Variants in RORA observed in about 807,000 individuals in gnomAD.
The protein encoded by RORA is nuclear receptor ROR-alpha.
Under a neutral mutation model 69.5 loss-of-function variants are expected in RORA, and 7 were observed. That is an observed-to-expected ratio of 0.10 (90% CI 0.06 to 0.19). RORA has a LOEUF of 0.19. Among genes scored for constraint, RORA ranks in the 10% least tolerant of loss-of-function variants. The probability of loss-of-function intolerance (pLI) is 1.00; values close to 1 mark genes in which losing one functional copy is unlikely to be tolerated. For synonymous variants in RORA, 261 were observed against 240.8 expected, an observed-to-expected ratio of 1.08 and a Z score of -0.78; for missense variants, 457 against 663.0, an observed-to-expected ratio of 0.69 and a Z score of 3.41.
chr15:60,562,837 A>G (rs1006910904), intron 2 of RORA, among the ~76,000 whole-genome samples: 25 of 152,132 alleles, frequency 1.6e-4, no homozygotes, highest in Admixed American at 9.2e-4. Context: ...TCAGACTCCC[A>G]AAGTGCTGAC....
At chr15:61,098,714 ATC>A (rs1488062388) in intron 1 of RORA, among the ~76,000 whole-genome samples, 1 of 152,118 alleles carries the variant, frequency 6.6e-6, no homozygotes, top group African/African-American at 2.4e-5. Flanking sequence ...TCTGAGGAAA[ATC>A]TCACCCTACA....
chr15:61,057,148 A>C (rs72754781), intron 1 of RORA, among the ~76,000 whole-genome samples: 30,552 of 152,174 alleles, frequency 0.2, 3,300 homozygotes, highest in South Asian at 0.25. Flanking sequence ...CTTAGACTCG[A>C]CAGGCGAAGG....
intron 2 of RORA, among the ~76,000 whole-genome samples, chr15:60,646,206 G>T (rs765369621): frequency 2.6e-5 from 4 of 152,218 alleles, no homozygotes; most frequent in Non-Finnish European, 5.9e-5. Context: ...GGTAAACTCT[G>T]AAGTCATAAT....
chr15:61,186,262 C>T (rs2079740107), intron 1 of RORA, among the ~76,000 whole-genome samples: 2 of 152,152 alleles, frequency 1.3e-5, no homozygotes, highest in Admixed American at 1.3e-4. Context: ...AAAAAGCAAA[C>T]ATCATCCAGT....
At chr15:60,591,527 G>C (rs909848880) in intron 2 of RORA, among the ~76,000 whole-genome samples, 1 of 148,122 alleles carries the variant, frequency 6.8e-6, no homozygotes, top group Non-Finnish European at 1.5e-5. Flanking sequence ...TCCCGCCCCC[G>C]GCCCGGCTAC....
chr15:60,734,334 G>C lies in RORA; in HGVS notation c.167-55648C>G, dbSNP rs138725198. On this transcript the variant is annotated intron_variant, in intron 1 of 10. Transcript: ENST00000335670. Reference sequence around the variant, plus strand: ...ATTCTGATGCACGATGAAGTTTGGGGACCACTACCCTAAACACAAGCCAAC... The same window carrying C: ...ATTCTGATGCACGATGAAGTTTGGGCACCACTACCCTAAACACAAGCCAAC... 2.5e-3 allele frequency among the ~76,000 whole-genome samples: 373 copies of C among 152,234 alleles called. 2 individuals are homozygous for C. Among genetic ancestry groups the C allele is most frequent in the African/African-American group, 7.8e-3 (322 of 41,538 alleles).
chr15:60,968,564 AT>A lies in RORA; in HGVS notation c.166+260488del, dbSNP rs1459517255. On this transcript the variant is annotated intron_variant, in intron 1 of 10. Transcript: ENST00000335670. Reference sequence around the variant, plus strand: ...CTGGGTCTCCTCTCTGGAGTTTGTGATTTAATTGGTTTTGTATACAAACTGG... The same window carrying A: ...CTGGGTCTCCTCTCTGGAGTTTGTGATTAATTGGTTTTGTATACAAACTGG... Among the ~76,000 whole-genome samples, 5 of 152,182 alleles carry A rather than the reference AT, an allele frequency of 3.3e-5. No homozygotes were observed. The South Asian group carries it at 1.0e-3, about 32-fold the overall frequency.
chr15:60,683,311 AACAT>A (rs61444487), intron 1 of RORA, among the ~76,000 whole-genome samples: 127,598 of 151,686 alleles, frequency 0.84, 53,703 homozygotes, highest in Admixed American at 0.87. Context: ...TTGCCCAGCC[AACAT>A]GATTTCTTAA....
At chr15:60,964,259 C>G (rs1893489571) in intron 1 of RORA, among the ~76,000 whole-genome samples, 1 of 152,190 alleles carries the variant, frequency 6.6e-6, no homozygotes, top group Admixed American at 6.5e-5. Context: ...ATTAATATGC[C>G]TATCTGTATA....
chr15:60,797,050 C>T (rs1000631935), intron 1 of RORA, among the ~76,000 whole-genome samples: 10 of 147,188 alleles, frequency 6.8e-5, no homozygotes, highest in Non-Finnish European at 1.5e-4. Flanking sequence ...ATTATATTAT[C>T]TATATATTTA....
intron 3 of RORA, among the ~76,000 whole-genome samples, chr15:60,527,392 CT>C (rs1296798843): frequency 6.6e-6 from 1 of 152,230 alleles, no homozygotes; most frequent in Non-Finnish European, 1.5e-5. Flanking sequence ...CCTCCTAACA[CT>C]TCATATTTTT....
At chr15:60,728,479 A>G (rs1381096540) in intron 1 of RORA, among the ~76,000 whole-genome samples, 7 of 152,208 alleles carry the variant, frequency 4.6e-5, no homozygotes, top group Non-Finnish European at 8.8e-5. Flanking sequence ...ACAGAAAAAC[A>G]TAGGACATTA....
intron 2 of RORA, among the ~76,000 whole-genome samples, chr15:60,670,355 G>A (rs868328987): frequency 2.0e-5 from 3 of 151,968 alleles, no homozygotes; most frequent in Admixed American, 6.6e-5. Flanking sequence ...GATTACAGGT[G>A]CACAGTACCA....
chr15:61,220,404 GCA>G (rs1485190140), intron 1 of RORA, among the ~76,000 whole-genome samples: 1 of 152,180 alleles, frequency 6.6e-6, no homozygotes, highest in Non-Finnish European at 1.5e-5. Context: ...GAAAAGCAAT[GCA>G]GTTTATTTAA....
At chr15:60,867,315 T>A (rs1177024458) in intron 1 of RORA, among the ~76,000 whole-genome samples, 1 of 152,162 alleles carries the variant, frequency 6.6e-6, no homozygotes, top group Non-Finnish European at 1.5e-5. Flanking sequence ...GGTGACAACA[T>A]GTAGATTGAC....
intron 1 of RORA, among the ~76,000 whole-genome samples, chr15:61,135,089 C>G (rs1386869799): frequency 6.8e-6 from 1 of 147,490 alleles, no homozygotes; most frequent in Non-Finnish European, 1.5e-5. Flanking sequence ...AGGCAGATCG[C>G]TTGAGGCCAG....
At chr15:61,224,019 C>A (rs1287335955) in intron 1 of RORA, among the ~76,000 whole-genome samples, 264 of 127,050 alleles carry the variant, frequency 2.1e-3, no homozygotes, top group Admixed American at 2.7e-3. Context: ...AAAAAAAAAA[C>A]CACTAAAAAA....
chr15:61,163,652 T>C (rs779807764), intron 1 of RORA, among the ~76,000 whole-genome samples: 3 of 152,186 alleles, frequency 2.0e-5, no homozygotes, highest in Non-Finnish European at 2.9e-5. Context: ...GAAGCAGTGG[T>C]AGCTGGTCAG....
At chr15:60,932,855 G>A (rs74017880) in intron 1 of RORA, among the ~76,000 whole-genome samples, 1,544 of 152,268 alleles carry the variant, frequency 0.01, 31 homozygotes, top group African/African-American at 0.035. Flanking sequence ...TTCTGATAAG[G>A]AACCAAGGAG....
Sources: allele counts gnomAD v4.1 joint callset (sites outside exome capture counted in the v4.1 genomes callset), GRCh38; gene constraint gnomAD v4.1.1; transcripts MANE v1.5; gene names NCBI Gene and HGNC (gene_info 2026-07-23, HGNC 2026-07-21).